The following GAREM1 variants were observed in gnomAD, a reference collection of about 807,000 sequenced individuals.
The protein encoded by GAREM1 is GRB2-associated and regulator of MAPK protein 1.
GAREM1 carries 26 observed loss-of-function variants against 71.3 expected under a neutral mutation model. The observed-to-expected ratio is 0.36, with a 90% confidence interval of 0.27 to 0.51. The LOEUF (loss-of-function observed/expected upper bound fraction) is 0.51. Ranked by LOEUF, GAREM1 falls within the 20% of genes least tolerant of loss-of-function variation. The probability of loss-of-function intolerance (pLI) is 0.95; values close to 1 mark genes in which losing one functional copy is unlikely to be tolerated. For missense variants in GAREM1, 1,026 were observed against 1,103.1 expected (o/e 0.93, Z 0.99); for synonymous variants, 440 against 433.2 (o/e 1.02, Z -0.20).
rs563685201 is a variant in GAREM1, at chr18:32,266,710, G to T, written c.*1161C>A. 1 of 152,232 alleles carries T rather than the reference G, an allele frequency of 6.6e-6. No individual in the cohort carries two copies. Among genetic ancestry groups the T allele is most frequent in the South Asian group, 2.1e-4 (1 of 4,820 alleles). 9.4% of individuals were successfully genotyped at this position (152,232 alleles called of 1,614,324 possible). A position where few individuals can be genotyped will look rare whatever the true frequency, so the allele number is the denominator to read the frequency against. On this transcript the variant is annotated 3_prime_UTR_variant, in exon 6 of 6. Coordinates refer to ENST00000269209, the MANE Select transcript of GAREM1 (RefSeq NM_001242409.2). ...AGATGTAGCATATATAATAATAAAGGCCGGTGCGTCTGATTTCTCAGCTCT... is the reference window on the plus strand; with the variant it reads ...AGATGTAGCATATATAATAATAAAGTCCGGTGCGTCTGATTTCTCAGCTCT...
At chr18:32,343,798 C>T (rs1359919630) in intron 2 of GAREM1, among the ~76,000 whole-genome samples, 1 of 152,140 alleles carries the variant, frequency 6.6e-6, no homozygotes, top group Non-Finnish European at 1.5e-5. Context: ...TCCATGTGAG[C>T]AGTCAGAATG....
At chr18:32,419,800 C>T (rs544037012) in intron 1 of GAREM1, among the ~76,000 whole-genome samples, 1 of 152,202 alleles carries the variant, frequency 6.6e-6, no homozygotes, top group Non-Finnish European at 1.5e-5. Flanking sequence ...GAAGGAAGCT[C>T]GTTATTTCAG....
rs1026170681 is a variant in GAREM1, at chr18:32,470,688, C to A, written c.-260G>T. ...CCGGAGAAGACTCAGAGCAGCCGCGCGGCTGCGGGCGGCGGCGGCGGCCCG... is the reference window on the plus strand; with the variant it reads ...CCGGAGAAGACTCAGAGCAGCCGCGAGGCTGCGGGCGGCGGCGGCGGCCCG... On this transcript the variant is annotated 5_prime_UTR_variant, in exon 1 of 6. Transcript: ENST00000269209. The surrounding 1 kb of genome is among the most constrained non-coding windows in gnomAD (Gnocchi z 4.4). 6.7e-6 allele frequency among the ~76,000 whole-genome samples: 1 copy of A among 149,536 alleles called. No individual in the cohort carries two copies. The highest frequency in any genetic ancestry group is 2.1e-4 in the South Asian group (1 of 4,812).
intron 1 of GAREM1, among the ~76,000 whole-genome samples, chr18:32,465,157 T>C (rs2048987590): frequency 6.6e-6 from 1 of 152,110 alleles, no homozygotes; most frequent in South Asian, 2.1e-4. Context: ...ATGTGTACTC[T>C]CTTAAAATAC....
chr18:32,445,845 A>G (rs1192800542), intron 1 of GAREM1, among the ~76,000 whole-genome samples: 1 of 152,174 alleles, frequency 6.6e-6, no homozygotes, highest in Admixed American at 6.6e-5. Context: ...ATTAAACTAA[A>G]TTCATTTTTC....
chr18:32,283,270 C>T (rs534595438), intron 4 of GAREM1, among the ~76,000 whole-genome samples: 34 of 152,270 alleles, frequency 2.2e-4, no homozygotes, highest in African/African-American at 7.5e-4. Context: ...CATGGCTGGG[C>T]GCAGAGGCTC....
intron 3 of GAREM1, among the ~76,000 whole-genome samples, chr18:32,305,771 T>C (rs1007189769): frequency 1.3e-5 from 2 of 152,150 alleles, no homozygotes; most frequent in Admixed American, 6.5e-5. Context: ...CCACCCGCTT[T>C]GGCCTCCCAA....
chr18:32,326,207 T>G (rs1303672473), intron 2 of GAREM1, among the ~76,000 whole-genome samples: 3 of 152,174 alleles, frequency 2.0e-5, no homozygotes, highest in African/African-American at 7.2e-5. Context: ...TGCCACCGGG[T>G]TGGAGACTTC....
chr18:32,469,647 G>A (rs75154329), intron 1 of GAREM1, among the ~76,000 whole-genome samples: 1 of 152,090 alleles, frequency 6.6e-6, no homozygotes, highest in Non-Finnish European at 1.5e-5. Context: ...TCTGAGCTCA[G>A]GTTCCGAATC....
rs958633376 is a variant in GAREM1 at position 32,268,070 on chromosome 18, A to T, written c.2432T>A (p.Leu811His). Residue 811 changes from leucine to histidine, a missense_variant, in exon 6 of 6, where the codon CTC becomes CAC. By Grantham distance (99) the Leu-to-His change is moderately conservative. This residue lies in a region of GAREM1 where 636 missense variants were observed against 631.2 expected (regional missense o/e 1.01). Coordinates refer to ENST00000269209, the MANE Select transcript of GAREM1 (RefSeq NM_001242409.2). Reference sequence around the variant, plus strand: ...TGACTTGGACACTTCCTCTATAGAGAGTCCTGATAGGTCAGCAGGTGGCTG... The same window carrying T: ...TGACTTGGACACTTCCTCTATAGAGTGTCCTGATAGGTCAGCAGGTGGCTG... ...PWQPPADLSG[L>H]SIEEVSKSLR... is the part of the protein sequence containing the mutation. The T allele has an allele frequency of 9.9e-6, 16 of 1,613,970 alleles. No individual in the cohort carries two copies. Among genetic ancestry groups the T allele is most frequent in the Non-Finnish European group, 1.4e-5 (16 of 1,179,964 alleles).
At chr18:32,410,146 C>T (rs2048402706) in intron 1 of GAREM1, among the ~76,000 whole-genome samples, 1 of 152,162 alleles carries the variant, frequency 6.6e-6, no homozygotes, top group African/African-American at 2.4e-5. Flanking sequence ...AGACAGGTGT[C>T]ATCTCAAGCT....
intron 1 of GAREM1, among the ~76,000 whole-genome samples, chr18:32,419,604 A>G (rs2048501396): frequency 6.6e-6 from 1 of 152,170 alleles, no homozygotes; most frequent in Admixed American, 6.5e-5. Context: ...TTTATAAGCC[A>G]CCTGGTCTAT....
intron 1 of GAREM1, among the ~76,000 whole-genome samples, chr18:32,427,621 G>T (rs952244591): frequency 6.6e-6 from 1 of 152,174 alleles, no homozygotes; most frequent in Admixed American, 6.5e-5. Context: ...TCCTCCAAGG[G>T]ACTGTATCAT....
rs2047683787 is a variant in GAREM1, at chr18:32,345,231, T to C, written c.263-34908A>G. ...AGACTAATCATAAAGATTTCATTCA[T>C]GAAATGGTTAAAACAACTACAAACT... On this transcript the variant is annotated intron_variant, in intron 2 of 5. Transcript: ENST00000269209. Among the ~76,000 whole-genome samples the C allele has an allele frequency of 1.3e-5, 2 of 152,186 alleles. 1 individual carries two copies. Among genetic ancestry groups the C allele is most frequent in the African/African-American group, 4.8e-5 (2 of 41,446 alleles).
chr18:32,343,834 C>T (rs116757848), intron 2 of GAREM1, among the ~76,000 whole-genome samples: 61 of 152,214 alleles, frequency 4.0e-4, no homozygotes, highest in African/African-American at 1.3e-3. Flanking sequence ...GTAAGCCACC[C>T]GCTCCTGGCA....
chr18:32,355,491 T>C lies in GAREM1; in HGVS notation c.262+37404A>G, dbSNP rs188979584. Among the ~76,000 whole-genome samples, 280 of 152,284 alleles carry C rather than the reference T, an allele frequency of 1.8e-3. 1 individual carries two copies. The highest frequency in any genetic ancestry group is 6.2e-3 in the African/African-American group (258 of 41,568). On this transcript the variant is annotated intron_variant, in intron 2 of 5. Coordinates refer to ENST00000269209, the MANE Select transcript of GAREM1 (RefSeq NM_001242409.2). Reference sequence around the variant, plus strand: ...AGAGTAGAGAGAAAAGTGGTCAAAATACTAATTTTACACTCATGTTTCAGA... The same window carrying C: ...AGAGTAGAGAGAAAAGTGGTCAAAACACTAATTTTACACTCATGTTTCAGA...
rs547348755 is a variant in GAREM1, at chr18:32,457,222, A to AGTGTGTGT, written c.121+13085_121+13086insACACACAC. Among the ~76,000 whole-genome samples, 268 of 84,196 alleles carry AGTGTGTGT rather than the reference A, an allele frequency of 3.2e-3. 1 individual carries two copies. Among genetic ancestry groups the AGTGTGTGT allele is most frequent in the Non-Finnish European group, 5.4e-3 (210 of 38,784 alleles). The allele number at this position is 84,196 out of a possible 152,430, so 55.2% of individuals were successfully genotyped here. A position where few individuals can be genotyped will look rare whatever the true frequency, so the allele number is the denominator to read the frequency against. ...TGTAGGGGGGGAGAGAGAGAGAGAG[A>AGTGTGTGT]GAGAGTGTGTGTGTGTGTGTGTGTG... is the stretch of plus-strand genomic sequence containing the variant. On this transcript the variant is annotated intron_variant, in intron 1 of 5. Transcript: ENST00000269209.
intron 2 of GAREM1, among the ~76,000 whole-genome samples, chr18:32,348,690 T>C (rs2144587928): frequency 6.6e-6 from 1 of 152,308 alleles, no homozygotes; most frequent in South Asian, 2.1e-4. Flanking sequence ...GCCACTGCAC[T>C]CCAGCCTGAG....
At chr18:32,464,275 A>G (rs985132960) in intron 1 of GAREM1, among the ~76,000 whole-genome samples, 1 of 152,082 alleles carries the variant, frequency 6.6e-6, no homozygotes, top group African/African-American at 2.4e-5. Context: ...TGGGCGACAC[A>G]AAAAGAAAAA....
Sources: gnomAD v4.1 joint callset for allele counts (sites outside exome capture counted in the v4.1 genomes callset) on GRCh38, gnomAD v4.1.1 for gene constraint, gnomAD v4.1.1 regional missense constraint, Gnocchi (gnomAD v3.1) non-coding constraint, MANE v1.5 for transcripts, NCBI Gene and HGNC (gene_info 2026-07-23, HGNC 2026-07-21) for gene names.